The following NRK variants were observed in gnomAD, a reference collection of about 807,000 sequenced individuals.
NRK encodes nik-related protein kinase.
A neutral mutation model predicts 125.2 loss-of-function variants in NRK; 67 were observed. The observed-to-expected ratio is 0.54, with a 90% CI of 0.44 to 0.66. The LOEUF is 0.66. NRK is among the 30% of genes least tolerant of loss of function. The pLI, the probability that NRK is intolerant of heterozygous loss-of-function variation, is 0.00. For missense variants in NRK, 1,224 were observed against 1,192.9 expected, an observed-to-expected ratio of 1.03 and a Z score of -0.38; for synonymous variants, 458 against 429.0, an observed-to-expected ratio of 1.07 and a Z score of -0.84.
chrX:105,862,361 G>A (rs1372076909), intron 2 of NRK, among the ~76,000 whole-genome samples: 1 of 110,256 alleles, frequency 9.1e-6, no homozygotes, highest in African/African-American at 3.3e-5. Flanking sequence ...TCATTCATTG[G>A]CTGCCTTAGA....
At chrX:105,894,262 A>C (rs1057385952) in intron 6 of NRK, among the ~76,000 whole-genome samples, 1 of 112,199 alleles carries the variant, frequency 8.9e-6, no homozygotes, top group Non-Finnish European at 1.9e-5. Flanking sequence ...CTTTAAACAA[A>C]AACATAGCAC....
intron 2 of NRK, among the ~76,000 whole-genome samples, chrX:105,831,534 A>T (rs1393825591): frequency 8.9e-6 from 1 of 112,290 alleles, no homozygotes; most frequent in African/African-American, 3.2e-5. Flanking sequence ...GAGTGTGCAC[A>T]TGTGTGATAA....
intron 22 of NRK, among the ~76,000 whole-genome samples, 167 bp from the exon 23 acceptor site, chrX:105,939,707 T>A (rs935768356): frequency 1.8e-5 from 2 of 112,025 alleles, no homozygotes; most frequent in Admixed American, 9.5e-5. Flanking sequence ...TAATCTGTCA[T>A]ATTTCCAAAT....
Position 105,935,263 on chromosome X carries a change from AACC to A in NRK, c.3596_3598del (p.Pro1199del). ...CTCTATGTCTCTCCTGCATGTAAAA[AACC>A]ACTAATCCACATGTATGAAAAGGAG... On this transcript the variant is annotated inframe_deletion, in exon 21 of 29. Transcript: ENST00000243300. 8.3e-7 allele frequency: 1 copy of A among 1,199,687 alleles called. No individual in the cohort carries two copies. Among genetic ancestry groups the A allele is most frequent in the Non-Finnish European group, 1.1e-6 (1 of 885,156 alleles).
In NRK at chrX:105,868,821, G is replaced by T. The variant is rs368721657; in HGVS notation, c.124-11378G>T. ...TTCACACTCTTCATATTTCATTTCT[G>T]CAGGCTTTAGGTAAACAGCATGTCA... is the stretch of plus-strand genomic sequence containing the variant. On this transcript the variant is annotated intron_variant, in intron 2 of 28. Coordinates refer to ENST00000243300, the MANE Select transcript of NRK (RefSeq NM_198465.4). 2.8e-5 allele frequency among the ~76,000 whole-genome samples: 3 copies of T among 106,094 alleles called. No individual in the cohort carries two copies. In the East Asian group the frequency reaches 9.0e-4, roughly 32 times the overall value. 92.1% of individuals were successfully genotyped at this position (106,094 alleles called of 115,157 possible).
At chrX:105,947,018 T>G (rs1051420322) in intron 26 of NRK, among the ~76,000 whole-genome samples, 45 of 112,097 alleles carry the variant, frequency 4.0e-4, no homozygotes, top group African/African-American at 1.4e-3. Context: ...GTATTCCTAT[T>G]CTTTATTATA....
chrX:105,904,297 T>C lies in NRK; in HGVS notation c.767-968T>C, dbSNP rs188547084. ...TAAGTGAGACATATTTAAACACTTATAGAAAAAACCAAATTTCCCAAACCA... is the reference window on the plus strand; with the variant it reads ...TAAGTGAGACATATTTAAACACTTACAGAAAAAACCAAATTTCCCAAACCA... On this transcript the variant is annotated intron_variant, in intron 9 of 28. Coordinates refer to ENST00000243300, the MANE Select transcript of NRK (RefSeq NM_198465.4). Among the ~76,000 whole-genome samples, 172 of 111,985 alleles carry C rather than the reference T, an allele frequency of 1.5e-3. 1 individual carries two copies. Among genetic ancestry groups the C allele is most frequent in the Non-Finnish European group, 2.3e-3 (122 of 53,113 alleles).
At chrX:105,858,949 T>C (rs1382922318) in intron 2 of NRK, among the ~76,000 whole-genome samples, 1 of 111,384 alleles carries the variant, frequency 9.0e-6, no homozygotes, top group Admixed American at 9.6e-5. Context: ...TTAGGGTTTT[T>C]TCACTTTCTT....
rs1441511168 is a variant in NRK, at chrX:105,944,070, T to C, written c.4059+29T>C. ...AGTGAGCTCCTTTTTCTTTGGATTA[T>C]ATGATTTTTTATTTTGAGAAGAAAT... On this transcript the variant is annotated intron_variant, in intron 24 of 28. Coordinates refer to ENST00000243300, the MANE Select transcript of NRK (RefSeq NM_198465.4). 1.3e-5 allele frequency: 10 copies of C among 782,566 alleles called. No homozygotes were observed. The East Asian group carries it at 3.4e-4, about 26-fold the overall frequency. The allele number at this position is 782,566 out of a possible 1,213,427, so 64.5% of individuals were successfully genotyped here.
intron 19 of NRK, among the ~76,000 whole-genome samples, chrX:105,933,965 TGC>T (rs1171449810): frequency 1.8e-5 from 2 of 112,056 alleles, no homozygotes; most frequent in African/African-American, 6.5e-5. Context: ...CTAAATATCA[TGC>T]TTAGCACAGT....
intron 2 of NRK, among the ~76,000 whole-genome samples, chrX:105,834,869 T>C (rs1276822326): frequency 9.0e-6 from 1 of 111,334 alleles, no homozygotes; most frequent in Admixed American, 9.6e-5. Context: ...CATTTCTACC[T>C]GACTCTTTAA....
At chrX:105,920,092 A>G (rs1274799847) in intron 16 of NRK, among the ~76,000 whole-genome samples, 14 of 105,522 alleles carry the variant, frequency 1.3e-4, no homozygotes, top group African/African-American at 4.9e-4. Context: ...GAAGGGATCC[A>G]GTTTCAGCTT....
chrX:105,826,856 G>A (rs190031995), intron 1 of NRK, among the ~76,000 whole-genome samples: 145 of 110,378 alleles, frequency 1.3e-3, no homozygotes, highest in South Asian at 3.9e-3. Context: ...TATATATAGA[G>A]CATCACCTCT....
At chrX:105,862,061 C>T (rs1233849045) in intron 2 of NRK, among the ~76,000 whole-genome samples, 1 of 98,218 alleles carries the variant, frequency 1.0e-5, no homozygotes, top group Non-Finnish European at 2.0e-5. Context: ...AGACTCTTAT[C>T]TATCTATCTA....
intron 2 of NRK, among the ~76,000 whole-genome samples, chrX:105,844,167 A>G (rs771277993): frequency 5.4e-5 from 6 of 110,164 alleles, no homozygotes; most frequent in Non-Finnish European, 1.1e-4. Flanking sequence ...ATACTTAACA[A>G]AATATTATAC....
intron 2 of NRK, among the ~76,000 whole-genome samples, chrX:105,847,903 C>T (rs1602604508): frequency 9.0e-6 from 1 of 111,570 alleles, no homozygotes; most frequent in African/African-American, 3.3e-5. Context: ...TTCTGTAAGC[C>T]ACAGTTTCAC....
chrX:105,922,438 TA>T (rs933911659), intron 17 of NRK, among the ~76,000 whole-genome samples: 2 of 111,754 alleles, frequency 1.8e-5, no homozygotes, highest in Admixed American at 1.9e-4. Flanking sequence ...AAACATTTAG[TA>T]AAAAACAGAG....
intron 28 of NRK, 140 bp from the exon 29 acceptor site, chrX:105,955,365 C>G: frequency 2.7e-6 from 1 of 365,492 alleles, no homozygotes; most frequent in Non-Finnish European, 4.9e-6. Context: ...CTCATTCTTT[C>G]ATTTGAAAAA....
At chrX:105,935,810 A>T (rs1181903080) in intron 21 of NRK, among the ~76,000 whole-genome samples, 1 of 97,484 alleles carries the variant, frequency 1.0e-5, no homozygotes, top group Non-Finnish European at 1.9e-5. Flanking sequence ...TATTTATTAT[A>T]TTTTATATAT....
Sources: gnomAD v4.1 joint callset for allele counts (sites outside exome capture counted in the v4.1 genomes callset) on GRCh38, gnomAD v4.1.1 for gene constraint, MANE v1.5 for transcripts, NCBI Gene and HGNC (gene_info 2026-07-23, HGNC 2026-07-21) for gene names.